PHKA2: variants seen among roughly 807,000 people sequenced by gnomAD.
PHKA2 encodes phosphorylase kinase regulatory subunit alpha 2.
A neutral mutation model predicts 102.0 loss-of-function variants in PHKA2; 31 were observed. The ratio of observed to expected loss-of-function variants is 0.30; its 90% confidence interval spans 0.23 to 0.41. The LOEUF is 0.41. Among genes scored for constraint, PHKA2 ranks in the 10% least tolerant of loss-of-function variants. The pLI is 1.00. For synonymous variants in PHKA2, 455 were observed against 416.2 expected (o/e 1.09, Z -1.13); for missense variants, 858 against 1,023.1 (o/e 0.84, Z 2.20).
chrX:18,951,529 C>T (rs1048454774), intron 3 of PHKA2, among the ~76,000 whole-genome samples: 2 of 111,040 alleles, frequency 1.8e-5, no homozygotes, highest in Non-Finnish European at 3.8e-5. Flanking sequence ...GTGTCCTTGT[C>T]TACATATCCC....
chrX:18,947,612 A>G (rs1032943732), intron 5 of PHKA2, among the ~76,000 whole-genome samples: 9 of 112,447 alleles, frequency 8.0e-5, no homozygotes, highest in Non-Finnish European at 1.3e-4. Context: ...TCAAACAAGC[A>G]TAATGGGAAC....
At chrX:18,895,827 A>G (rs2047540142) in intron 30 of PHKA2, 1 of 117,239 alleles carries the variant, frequency 8.5e-6, no homozygotes, top group Non-Finnish European at 1.8e-5. Context: ...TCTAAATCCC[A>G]GCACCCCGGC....
At chrX:18,980,371 T>A (rs1005721922) in intron 1 of PHKA2, among the ~76,000 whole-genome samples, 4 of 112,534 alleles carry the variant, frequency 3.6e-5, no homozygotes, top group East Asian at 2.8e-4. Context: ...GGGAACTGAA[T>A]GTCTCTGTAT....
Position 18,918,803 on chromosome X carries a change from G to A in PHKA2, c.2015C>T (p.Ser672Leu), listed in dbSNP as rs1351669287. The A allele has an allele frequency of 1.7e-6, 2 of 1,210,124 alleles. No homozygotes were observed. Among genetic ancestry groups the A allele is most frequent in the Non-Finnish European group, 2.2e-6 (2 of 894,121 alleles). ...HYINHLLQST[S>L]LRSYLPPLCK... ...AAGAGGAGGCAGATAGGACCTCAAC[G>A]ATGTGCTTTGCAGAAGGTGGTTGAT... Residue 672 changes from serine (S) to leucine (L), a missense_variant, in exon 19 of 33, where the codon TCG becomes TTG. Ser to Leu is a moderately radical substitution (Grantham distance 145, BLOSUM62 -2). Coordinates refer to ENST00000379942, the MANE Select transcript of PHKA2 (RefSeq NM_000292.3).
intron 1 of PHKA2, among the ~76,000 whole-genome samples, chrX:18,975,558 C>T (rs906083447): frequency 3.6e-5 from 4 of 112,288 alleles, no homozygotes; most frequent in African/African-American, 1.3e-4. Context: ...CTCTATCTTC[C>T]ACCCTAAACT....
chrX:18,949,388 T>TA (rs1339078535), intron 4 of PHKA2, among the ~76,000 whole-genome samples: 1 of 112,102 alleles, frequency 8.9e-6, no homozygotes, highest in Admixed American at 9.5e-5. Flanking sequence ...GCAGCTTAAC[T>TA]AGTAAGCCAG....
chrX:18,925,738 C>T lies in PHKA2; in HGVS notation c.1499G>A (p.Arg500Gln), dbSNP rs753412659. The change falls in exon 15 of 33, where the codon CGA (arginine) becomes CAA (glutamine). Residue 500 changes from arginine to glutamine, a missense_variant. Arg to Gln is a conservative substitution (Grantham distance 43). Coordinates refer to ENST00000379942, the MANE Select transcript of PHKA2 (RefSeq NM_000292.3). ...AGAGGTTCCAAGGACACCAATATGTCGATACGGTCGCCCACTCAAATTCAT... is the reference window on the plus strand; with the variant it reads ...AGAGGTTCCAAGGACACCAATATGTTGATACGGTCGCCCACTCAAATTCAT... Reference protein sequence around the residue: ...KNMNLSGRPYRHIGVLGTSKL... With the variant: ...KNMNLSGRPYQHIGVLGTSKL... 13 of 1,197,700 alleles carry T rather than the reference C, an allele frequency of 1.1e-5. No homozygotes were observed. The highest frequency in any genetic ancestry group is 4.6e-4 in the Middle Eastern group (2 of 4,318).
rs6633167 is a variant in PHKA2, at chrX:18,903,437, C to T, written c.2909-1834G>A. On this transcript the variant is annotated intron_variant, in intron 26 of 32. Transcript: ENST00000379942. Reference sequence around the variant, plus strand: ...CTGCTGTGGGCCCGAGGGGCTGGCACCCCGGGCAGCTGTGGCCGTGGGCTG... The same window carrying T: ...CTGCTGTGGGCCCGAGGGGCTGGCATCCCGGGCAGCTGTGGCCGTGGGCTG... 1.7e-3 allele frequency among the ~76,000 whole-genome samples: 187 copies of T among 112,501 alleles called. 3 individuals are homozygous for T. The East Asian group carries it at 0.046, about 28-fold the overall frequency.
chrX:18,898,941 A>G, intron 29 of PHKA2, among the ~76,000 whole-genome samples: 1 of 112,539 alleles, frequency 8.9e-6, no homozygotes, highest in South Asian at 3.7e-4. Context: ...ACACTGTGCC[A>G]AGGAGCACAG....
At chrX:18,934,630 C>T (rs192692138) in intron 11 of PHKA2, among the ~76,000 whole-genome samples, 3 of 112,792 alleles carry the variant, frequency 2.7e-5, no homozygotes, top group East Asian at 5.5e-4. Context: ...TGATCTAACA[C>T]GTAATAGTTC....
At chrX:18,926,683 C>T in intron 13 of PHKA2, 96 bp from the exon 14 acceptor site, 1 of 824,386 alleles carries the variant, frequency 1.2e-6, no homozygotes. Context: ...TGGTGACATA[C>T]ACATCAGCAT....
chrX:18,953,784 C>T (rs1233898510), intron 2 of PHKA2, among the ~76,000 whole-genome samples: 1 of 110,967 alleles, frequency 9.0e-6, no homozygotes, highest in African/African-American at 3.3e-5. Flanking sequence ...GCCAGGAGTT[C>T]GAAACCAGCC....
At chrX:18,963,529 T>C (rs2048898218) in intron 1 of PHKA2, among the ~76,000 whole-genome samples, 1 of 112,218 alleles carries the variant, frequency 8.9e-6, no homozygotes, top group African/African-American at 3.2e-5. Context: ...TGCCTGAATC[T>C]AGGCCAATCC....
intron 19 of PHKA2, among the ~76,000 whole-genome samples, chrX:18,913,786 A>C (rs1252361546): frequency 8.9e-6 from 1 of 111,996 alleles, no homozygotes; most frequent in Non-Finnish European, 1.9e-5. Context: ...TTTTTAAAAA[A>C]TGAAAACACA....
At position 18,958,834 on chromosome X, in the gene PHKA2, C is replaced by T. The variant is rs957524415; in HGVS notation, c.79-4422G>A. ...AAGCGATTCTCCTGCCTCAGTCACT[C>T]GAGTAGCTGGGATTACAGGCACATG... On this transcript the variant is annotated intron_variant, in intron 1 of 32. Transcript: ENST00000379942. 4.5e-5 allele frequency among the ~76,000 whole-genome samples: 5 copies of T among 111,010 alleles called. No homozygotes were observed. In the East Asian group the frequency reaches 8.5e-4, roughly 19 times the overall value.
At chrX:18,920,318 T>A in intron 17 of PHKA2, 117 bp from the exon 18 acceptor site, 1 of 532,112 alleles carries the variant, frequency 1.9e-6, no homozygotes, top group Admixed American at 2.5e-5. Context: ...AATACATATA[T>A]CACTCTGCAG....
At chrX:18,951,691 A>G (rs1237286734) in intron 3 of PHKA2, among the ~76,000 whole-genome samples, 1 of 111,707 alleles carries the variant, frequency 9.0e-6, no homozygotes, top group East Asian at 2.8e-4. Context: ...GCGCTGACTG[A>G]GAGTGAGGAC....
intron 13 of PHKA2, among the ~76,000 whole-genome samples, chrX:18,927,587 G>A (rs1290364690): frequency 1.8e-5 from 2 of 111,941 alleles, no homozygotes; most frequent in Non-Finnish European, 3.8e-5. Flanking sequence ...GTTGAGAGTT[G>A]AGTGTCACCT....
intron 20 of PHKA2, among the ~76,000 whole-genome samples, chrX:18,909,388 T>C (rs1238847142): frequency 8.9e-6 from 1 of 111,781 alleles, no homozygotes; most frequent in Non-Finnish European, 1.9e-5. Flanking sequence ...CAATTTTGAG[T>C]TGAAAACATT....
Sources: gnomAD v4.1 joint callset for allele counts (sites outside exome capture counted in the v4.1 genomes callset) on GRCh38, gnomAD v4.1.1 for gene constraint, MANE v1.5 for transcripts, NCBI Gene and HGNC (gene_info 2026-07-23, HGNC 2026-07-21) for gene names.